KIF23: variants seen among roughly 807,000 people sequenced by gnomAD.
The protein encoded by KIF23 is kinesin family member 23, also known as kinesin-like protein KIF23.
A neutral mutation model predicts 137.5 loss-of-function variants in KIF23; 30 were observed. That is an observed-to-expected ratio of 0.22 (90% CI 0.16 to 0.30). The LOEUF (loss-of-function observed/expected upper bound fraction) is 0.30. Among genes scored for constraint, KIF23 ranks in the 10% least tolerant of loss-of-function variants. The probability of loss-of-function intolerance (pLI) is 1.00; values close to 1 mark genes in which losing one functional copy is unlikely to be tolerated. For synonymous variants in KIF23, 367 were observed against 391.1 expected (o/e 0.94, Z 0.73); for missense variants, 920 against 1,194.3 (o/e 0.77, Z 3.38).
intron 14 of KIF23, 47 bp downstream of exon 14, chr15:69,436,308 TTCTC>T (rs777889235): frequency 3.8e-6 from 6 of 1,564,102 alleles, no homozygotes; most frequent in Non-Finnish European, 5.2e-6. Context: ...GTCTGTCTGT[TTCTC>T]TCTTTTTTAA....
intron 23 of KIF23, among the ~76,000 whole-genome samples, 182 bp downstream of exon 23, chr15:69,447,123 C>T (rs577245214): frequency 6.6e-6 from 1 of 152,310 alleles, no homozygotes; most frequent in African/African-American, 2.4e-5. Context: ...ATGCTGAGAG[C>T]CTCAGAAGGC....
chr15:69,435,638 G>C lies in KIF23; in HGVS notation c.1195-14G>C. ...TTTTTTGCGTAACACATTTGGATATGAATGTCTTTGTAGATGGTTCCATAT... is the reference window on the plus strand; with the variant it reads ...TTTTTTGCGTAACACATTTGGATATCAATGTCTTTGTAGATGGTTCCATAT... On this transcript the variant is annotated splice_polypyrimidine_tract_variant and intron_variant, in intron 12 of 23. Coordinates refer to ENST00000679126, the MANE Select transcript of KIF23 (RefSeq NM_001367805.3). 1.2e-6 allele frequency: 2 copies of C among 1,613,204 alleles called. No homozygotes were observed. Among genetic ancestry groups the C allele is most frequent in the Non-Finnish European group, 1.7e-6 (2 of 1,179,790 alleles).
chr15:69,430,175 C>G (rs191906959), intron 11 of KIF23, among the ~76,000 whole-genome samples: 21 of 152,196 alleles, frequency 1.4e-4, no homozygotes, highest in Admixed American at 1.2e-3. Context: ...ATATATATAG[C>G]CAATCTGTAT....
At chr15:69,443,814 C>T in intron 19 of KIF23, 1 of 152,022 alleles carries the variant, frequency 6.6e-6, no homozygotes, top group East Asian at 1.9e-4. Flanking sequence ...GGGTCTCATT[C>T]TATTGCCCAG....
Position 69,423,399 on chromosome 15 carries a change from G to A in KIF23, c.734+70G>A, listed in dbSNP as rs371887129. On this transcript the variant is annotated intron_variant, in intron 7 of 23. Transcript: ENST00000679126. Reference sequence around the variant, plus strand: ...AGTTACTTTGCCTCAAGGAGTTTTAGTTTCTTCAGTTATGAAAGAGAATAA... The same window carrying A: ...AGTTACTTTGCCTCAAGGAGTTTTAATTTCTTCAGTTATGAAAGAGAATAA... The A allele has an allele frequency of 3.7e-5, 35 of 955,688 alleles. No individual in the cohort carries two copies. The African/African-American group carries it at 4.8e-4, about 13-fold the overall frequency. The allele number at this position is 955,688 out of a possible 1,614,324, so 59.2% of individuals were successfully genotyped here.
chr15:69,438,534 A>G (rs1262749314), intron 16 of KIF23, 129 bp downstream of exon 16: 1 of 749,298 alleles, frequency 1.3e-6, no homozygotes. Flanking sequence ...GCGGTGGCTC[A>G]TGCAGGTAAT....
intron 1 of KIF23, 54 bp from the exon 2 acceptor site, chr15:69,415,940 G>A (rs1567054056): frequency 7.8e-7 from 1 of 1,279,500 alleles, no homozygotes; most frequent in Non-Finnish European, 1.1e-6. Flanking sequence ...TGAGGCTTTT[G>A]TATTCGTGTT....
Position 69,444,401 on chromosome 15 carries a change from T to C in KIF23, c.2422-389T>C, listed in dbSNP as rs140722437. On this transcript the variant is annotated intron_variant, in intron 19 of 23. Coordinates refer to ENST00000679126, the MANE Select transcript of KIF23 (RefSeq NM_001367805.3). This position sits in a 1 kb window ranked among gnomAD's most constrained non-coding sequence, Gnocchi z 4.2. ...GCCTAGAAAATGTGTAGGGCTTTCA[T>C]TGATCTTATTGAAGATTTTAACAGA... 4.9e-3 allele frequency: 806 copies of C among 163,454 alleles called. 2 individuals carry two copies. Among genetic ancestry groups the C allele is most frequent in the African/African-American group, 0.018 (754 of 41,768 alleles). The allele number at this position is 163,454 out of a possible 1,614,324, so 10.1% of individuals were successfully genotyped here. A position where few individuals can be genotyped will look rare whatever the true frequency, so the allele number is the denominator to read the frequency against.
chr15:69,434,397 C>T (rs376838232), intron 11 of KIF23: 17 of 331,350 alleles, frequency 5.1e-5, no homozygotes, highest in African/African-American at 1.3e-4. Flanking sequence ...TAAAGGATTG[C>T]GACATTTAAT....
rs1242321187 is a variant in KIF23, at chr15:69,447,789, T to C, written c.2910-3T>C. 1 of 1,604,996 alleles carries C rather than the reference T, an allele frequency of 6.2e-7. No homozygotes were observed. The highest frequency in any genetic ancestry group is 1.7e-5 in the Admixed American group (1 of 59,742). On this transcript the variant is annotated splice_region_variant and splice_polypyrimidine_tract_variant and intron_variant, in intron 23 of 23. Coordinates refer to ENST00000679126, the MANE Select transcript of KIF23 (RefSeq NM_001367805.3). ...ACTCTAAGTGCTGGTTGTTATGTTT[T>C]AGGCGCAAAAAGCCATGAACTGACA...
At chr15:69,446,763 C>T (rs2057748470) in intron 22 of KIF23, 108 bp from the exon 23 acceptor site, 1 of 986,334 alleles carries the variant, frequency 1.0e-6, no homozygotes, top group Admixed American at 1.7e-5. Context: ...CTTTGCTGAA[C>T]TAGAAAGCAA....
rs575134828 is a variant in KIF23 at position 69,423,338 on chromosome 15, T to G, written c.734+9T>G. ...GATCCCATAAAACCCAAGTAAGTAA[T>G]AAAGAGAGCCCCTTCTTAGCTGTTA... On this transcript the variant is annotated intron_variant, in intron 7 of 23. Transcript: ENST00000679126. 2 of 1,528,562 alleles carry G rather than the reference T, an allele frequency of 1.3e-6. No homozygotes were observed. Among genetic ancestry groups the G allele is most frequent in the Admixed American group, 2.3e-5 (1 of 44,292 alleles). The allele number at this position is 1,528,562 out of a possible 1,614,324, so 94.7% of individuals were successfully genotyped here.
intron 7 of KIF23, among the ~76,000 whole-genome samples, chr15:69,423,654 A>G (rs1275698846): frequency 6.6e-6 from 1 of 152,238 alleles, no homozygotes; most frequent in Admixed American, 6.5e-5. Flanking sequence ...GAACGTTTCA[A>G]GAACCTGAGA....
rs1221498232 is a variant in KIF23 at position 69,440,982 on chromosome 15, T to C, written c.2324T>C (p.Val775Ala). ...CCAGGACAAAGCAAAACTTGTATCG[T>C]GTCAGACAGAAGGCGAGGGATGTAC... is the stretch of plus-strand genomic sequence containing the variant. ...QEPGQSKTCI[V>A]SDRRRGMYWT... is the part of the protein sequence containing the mutation. Residue 775 changes from valine (V) to alanine (A), a missense_variant, in exon 19 of 24, where the codon GTG becomes GCG. By Grantham distance (64) the Val-to-Ala change is moderately conservative. This residue lies in a region of KIF23 where 714 missense variants were observed against 866.2 expected (regional missense o/e 0.82). Transcript: ENST00000679126. 16 of 1,614,088 alleles carry C rather than the reference T, an allele frequency of 9.9e-6. No individual in the cohort carries two copies. Among genetic ancestry groups the C allele is most frequent in the Non-Finnish European group, 1.2e-5 (14 of 1,180,048 alleles).
Position 69,440,848 on chromosome 15 carries a change from T to C in KIF23, c.2190T>C (p.Ser730=), listed in dbSNP as rs768052639. The stretch of plus-strand genomic sequence containing the variant: ...CACAGCTACATAGGCGCTCTAACTC[T>C]TGCAGCAGCATTTCTGTAGCTTCCT... ...SQPQLHRRSN[S]CSSISVASCI... is the part of the protein sequence containing the mutation. The change falls in exon 19 of 24, where the codon TCT becomes TCC. Residue 730 remains serine (S), a synonymous_variant. Transcript: ENST00000679126. 1.2e-6 allele frequency: 2 copies of C among 1,613,956 alleles called. No homozygotes were observed. The highest frequency in any genetic ancestry group is 4.5e-5 in the East Asian group (2 of 44,898).
intron 4 of KIF23, 46 bp downstream of exon 4, chr15:69,421,798 T>A (rs752304859): frequency 7.0e-7 from 1 of 1,419,280 alleles, no homozygotes; most frequent in Non-Finnish European, 9.8e-7. Context: ...CTTTTTCTCC[T>A]CTTCTGATAA....
intron 19 of KIF23, among the ~76,000 whole-genome samples, chr15:69,441,741 G>A (rs1174021708): frequency 2.0e-5 from 3 of 151,460 alleles, no homozygotes; most frequent in Non-Finnish European, 4.4e-5. Flanking sequence ...TTGAGACATT[G>A]TGCAGTTGTC....
At chr15:69,443,145 C>G (rs745912229) in intron 19 of KIF23, among the ~76,000 whole-genome samples, 4 of 152,020 alleles carry the variant, frequency 2.6e-5, no homozygotes, top group African/African-American at 7.2e-5. Flanking sequence ...TAGTGGCAAA[C>G]TGTATTGCCC....
chr15:69,433,789 G>A (rs760268519), intron 11 of KIF23, among the ~76,000 whole-genome samples: 21 of 151,414 alleles, frequency 1.4e-4, no homozygotes, highest in Admixed American at 2.6e-4. Flanking sequence ...CACTTATTTG[G>A]AAAACAATAA....
Sources: gnomAD v4.1 joint callset for allele counts (sites outside exome capture counted in the v4.1 genomes callset) on GRCh38, gnomAD v4.1.1 for gene constraint, gnomAD v4.1.1 regional missense constraint, Gnocchi (gnomAD v3.1) non-coding constraint, MANE v1.5 for transcripts, NCBI Gene and HGNC (gene_info 2026-07-23, HGNC 2026-07-21) for gene names.